The following SLC12A8 variants were observed in gnomAD, a reference collection of about 807,000 sequenced individuals.
The protein encoded by SLC12A8 is solute carrier family 12 member 8.
Under a neutral mutation model 75.6 loss-of-function variants are expected in SLC12A8, and 69 were observed. The ratio of observed to expected loss-of-function variants is 0.91; its 90% confidence interval spans 0.75 to 1.11. SLC12A8 has a LOEUF of 1.11. SLC12A8 is among the 50% of genes most tolerant of loss of function. The pLI is 0.00. For missense variants in SLC12A8, 877 were observed against 896.7 expected (o/e 0.98, Z 0.28); for synonymous variants, 365 against 372.8 (o/e 0.98, Z 0.24).
intron 5 of SLC12A8, among the ~76,000 whole-genome samples, chr3:125,138,140 G>T (rs1488705469): frequency 1.3e-5 from 2 of 152,178 alleles, no homozygotes; most frequent in African/African-American, 2.4e-5. Flanking sequence ...AGTGGCTCAC[G>T]CCTGTAATCC....
rs535632671 is a variant in SLC12A8, at chr3:125,191,703, C to T, written c.52-1182G>A. On this transcript the variant is annotated intron_variant, in intron 2 of 13. Coordinates refer to ENST00000469902, the MANE Select transcript of SLC12A8 (RefSeq NM_024628.6). ...ATCTAGAACCAAAGGCTAAGGCCAA[C>T]GGCATGTGCTCAAAACCAAAAGGGA... 1.0e-3 allele frequency among the ~76,000 whole-genome samples: 154 copies of T among 152,342 alleles called. 1 individual carries two copies. Among genetic ancestry groups the T allele is most frequent in the Non-Finnish European group, 1.6e-3 (112 of 68,038 alleles).
intron 5 of SLC12A8, among the ~76,000 whole-genome samples, chr3:125,166,852 T>G (rs1253086362): frequency 6.6e-6 from 1 of 152,206 alleles, no homozygotes; most frequent in Non-Finnish European, 1.5e-5. Context: ...ATACAATGTA[T>G]ATAAAATTTT....
intron 5 of SLC12A8, among the ~76,000 whole-genome samples, chr3:125,176,028 G>T (rs144357969): frequency 0.011 from 1,670 of 152,050 alleles, 17 homozygotes; most frequent in Non-Finnish European, 0.018. Flanking sequence ...AAGTAGTAAG[G>T]CCAGATCAGT....
intron 2 of SLC12A8, among the ~76,000 whole-genome samples, chr3:125,208,789 CACAGAGAGAGAG>C (rs1935278177): frequency 1.0e-5 from 1 of 98,444 alleles, no homozygotes; most frequent in Admixed American, 1.1e-4. Context: ...CACACACACA[CACAGAGAGAGAG>C]AGAGAGAGAG....
intron 5 of SLC12A8, among the ~76,000 whole-genome samples, chr3:125,154,190 C>T (rs554266077): frequency 6.6e-6 from 1 of 152,360 alleles, no homozygotes; most frequent in East Asian, 1.9e-4. Context: ...TAACTACCGT[C>T]CCCTTTCACT....
At position 125,211,408 on chromosome 3, in the gene SLC12A8, G is replaced by T. The variant is rs2107808494; in HGVS notation, c.-45-14C>A. On this transcript the variant is annotated splice_polypyrimidine_tract_variant and intron_variant, in intron 1 of 13. Transcript: ENST00000469902. ...AGGGAGACTGCTCTGGAAGGTAACA[G>T]CATCCTTGGTCAGGCTGGCTTCTCC... is the stretch of plus-strand genomic sequence containing the variant. 1.4e-6 allele frequency: 2 copies of T among 1,417,414 alleles called. No homozygotes were observed. Among genetic ancestry groups the T allele is most frequent in the South Asian group, 1.1e-5 (1 of 87,328 alleles). 87.8% of individuals were successfully genotyped at this position (1,417,414 alleles called of 1,614,324 possible).
At chr3:125,195,348 T>C (rs187908581) in intron 2 of SLC12A8, among the ~76,000 whole-genome samples, 3 of 152,322 alleles carry the variant, frequency 2.0e-5, no homozygotes, top group Admixed American at 1.3e-4. Context: ...TGGACCTCCA[T>C]TGAGTGCTGC....
At position 125,181,823 on chromosome 3, in the gene SLC12A8, T is replaced by C. The variant is rs201958416; in HGVS notation, c.391-3849A>G. Among the ~76,000 whole-genome samples, 20 of 151,912 alleles carry C rather than the reference T, an allele frequency of 1.3e-4. No individual in the cohort carries two copies. In the East Asian group the frequency reaches 3.5e-3, roughly 26 times the overall value. On this transcript the variant is annotated intron_variant, in intron 4 of 13. Coordinates refer to ENST00000469902, the MANE Select transcript of SLC12A8 (RefSeq NM_024628.6). ...ATAGATAAGCCTCTGGTAGCCTGAT[T>C]ACAAAGAAAAGAGAAAATGCAAAAA...
chr3:125,209,143 G>T (rs773377076), intron 2 of SLC12A8, among the ~76,000 whole-genome samples: 1 of 152,180 alleles, frequency 6.6e-6, no homozygotes, highest in Non-Finnish European at 1.5e-5. Context: ...CTAGAGTTCA[G>T]CTTCCAGCAT....
At chr3:125,125,237 TG>T (rs1412692016) in intron 6 of SLC12A8, among the ~76,000 whole-genome samples, 1 of 152,120 alleles carries the variant, frequency 6.6e-6, no homozygotes, top group Non-Finnish European at 1.5e-5. Flanking sequence ...ACACTTTTCT[TG>T]GCGGGCTTCC....
intron 10 of SLC12A8, among the ~76,000 whole-genome samples, chr3:125,094,435 C>T (rs903352852): frequency 6.6e-6 from 1 of 152,172 alleles, no homozygotes; most frequent in African/African-American, 2.4e-5. Context: ...CATGTTCTCT[C>T]ATCACCCAAT....
At chr3:125,187,473 C>T (rs759523762) in intron 3 of SLC12A8, 45 bp from the exon 4 acceptor site, 2 of 1,574,332 alleles carry the variant, frequency 1.3e-6, no homozygotes, top group Non-Finnish European at 1.7e-6. Flanking sequence ...GGTGAGGAGG[C>T]CCCGCCAGCT....
chr3:125,189,412 A>T (rs1350306939), intron 3 of SLC12A8, among the ~76,000 whole-genome samples: 1 of 152,030 alleles, frequency 6.6e-6, no homozygotes, highest in Non-Finnish European at 1.5e-5. Context: ...AGTCCAGCTC[A>T]CCCTTCAAAG....
At chr3:125,109,769 C>T (rs1191878708) in intron 9 of SLC12A8, among the ~76,000 whole-genome samples, 2 of 152,174 alleles carry the variant, frequency 1.3e-5, no homozygotes, top group African/African-American at 2.4e-5. Flanking sequence ...CCCCAAGGGG[C>T]GGTTGAAACT....
At chr3:125,107,307 G>A (rs999141843) in intron 10 of SLC12A8, among the ~76,000 whole-genome samples, 174 bp downstream of exon 10, 18 of 152,202 alleles carry the variant, frequency 1.2e-4, no homozygotes, top group Non-Finnish European at 2.4e-4. Context: ...CTATAACAGA[G>A]TATAATTACA....
At position 125,118,758 on chromosome 3, in the gene SLC12A8, G is replaced by A. The variant is rs753026695; in HGVS notation, c.912+11C>T. ...AGACTGAGCCCTTGGAGTAGCGCAG[G>A]CCTCACTCACCTTTTCCGCTATCAG... On this transcript the variant is annotated intron_variant, in intron 8 of 13. Coordinates refer to ENST00000469902, the MANE Select transcript of SLC12A8 (RefSeq NM_024628.6). 2 of 1,607,130 alleles carry A rather than the reference G, an allele frequency of 1.2e-6. No individual in the cohort carries two copies. Among genetic ancestry groups the A allele is most frequent in the Non-Finnish European group, 1.7e-6 (2 of 1,174,394 alleles).
rs550619619 is a variant in SLC12A8 at position 125,207,747 on chromosome 3, G to A, written c.51+3552C>T. ...TCTGTCCAGTACCTGGCACAGACAA[G>A]CACCCAATCATGGCTCATTAGCCTT... On this transcript the variant is annotated intron_variant, in intron 2 of 13. Coordinates refer to ENST00000469902, the MANE Select transcript of SLC12A8 (RefSeq NM_024628.6). Among the ~76,000 whole-genome samples, 166 of 152,292 alleles carry A rather than the reference G, an allele frequency of 1.1e-3. 1 individual carries two copies. The highest frequency in any genetic ancestry group is 3.7e-3 in the African/African-American group (155 of 41,550).
At chr3:125,118,270 C>G (rs529099034) in intron 8 of SLC12A8, among the ~76,000 whole-genome samples, 46 of 152,210 alleles carry the variant, frequency 3.0e-4, no homozygotes, top group Non-Finnish European at 4.1e-4. Flanking sequence ...TAAGCAGGGC[C>G]TGTACCTTTT....
intron 5 of SLC12A8, among the ~76,000 whole-genome samples, chr3:125,170,586 A>C (rs1272469626): frequency 2.0e-5 from 3 of 152,246 alleles, no homozygotes; most frequent in Admixed American, 2.0e-4. Flanking sequence ...GTTTATGTAC[A>C]TGCACATGTG....
Sources: gnomAD v4.1 joint callset for allele counts (sites outside exome capture counted in the v4.1 genomes callset) on GRCh38, gnomAD v4.1.1 for gene constraint, MANE v1.5 for transcripts, NCBI Gene and HGNC (gene_info 2026-07-23, HGNC 2026-07-21) for gene names.